Variants in KALRN observed in about 807,000 individuals in gnomAD.
KALRN encodes the protein kalirin.
In KALRN, 70 loss-of-function variants were observed where a neutral mutation model predicts 353.7. The observed-to-expected ratio is 0.20, with a 90% CI of 0.16 to 0.24. The LOEUF is 0.24. Among genes scored for constraint, KALRN ranks in the 10% least tolerant of loss-of-function variants. KALRN has a pLI of 1.00. For missense variants in KALRN, 2,791 were observed against 3,756.7 expected, an observed-to-expected ratio of 0.74 and a Z score of 6.72; for synonymous variants, 1,391 against 1,434.8, an observed-to-expected ratio of 0.97 and a Z score of 0.69.
intron 1 of KALRN, among the ~76,000 whole-genome samples, chr3:124,125,481 T>C (rs1186435624): frequency 6.6e-6 from 1 of 152,178 alleles, no homozygotes; most frequent in Non-Finnish European, 1.5e-5. Flanking sequence ...CAAGCCTCCA[T>C]GAGCTGGTGA....
chr3:124,494,373 C>T lies in KALRN; in HGVS notation c.4832+1491C>T, dbSNP rs140358603. Reference sequence around the variant, plus strand: ...CCTCCCCACATCCCCCCAGAAGTGGCTTCACCTGGAGTGGACCAGAAGGGC... The same window carrying T: ...CCTCCCCACATCCCCCCAGAAGTGGTTTCACCTGGAGTGGACCAGAAGGGC... On this transcript the variant is annotated intron_variant, in intron 32 of 59. Transcript: ENST00000682506. Among the ~76,000 whole-genome samples, 442 of 152,322 alleles carry T rather than the reference C, an allele frequency of 2.9e-3. 3 individuals are homozygous for T. Among genetic ancestry groups the T allele is most frequent in the African/African-American group, 0.01 (423 of 41,568 alleles).
intron 34 of KALRN, among the ~76,000 whole-genome samples, chr3:124,575,393 C>T (rs1341586774): frequency 6.6e-6 from 1 of 152,228 alleles, no homozygotes; most frequent in Non-Finnish European, 1.5e-5. Flanking sequence ...TGTCTCCTGT[C>T]TCATTTCCAG....
At chr3:124,556,481 T>C (rs912992142) in intron 33 of KALRN, among the ~76,000 whole-genome samples, 11 of 152,146 alleles carry the variant, frequency 7.2e-5, no homozygotes, top group African/African-American at 2.7e-4. Flanking sequence ...TGGAGAAGCC[T>C]TCAGAGTTTT....
rs2086503897 is a variant in KALRN, at chr3:124,671,894, G to A, written c.6938G>A (p.Ser2313Asn). Reference sequence around the variant, plus strand: ...CAGCCTGGGGACAAGTTCGAAGCCAGCAAGGTAAGTGACAACTCATTACTC... The same window carrying A: ...CAGCCTGGGGACAAGTTCGAAGCCAACAAGGTAAGTGACAACTCATTACTC... ...YHQPGDKFEA[S>N]KNDLGGCNGT... The change falls in exon 48 of 60, where the codon AGC becomes AAC. Residue 2313 changes from serine (S) to asparagine (N), a missense_variant. Physicochemically the swap from Ser to Asn is conservative, Grantham distance 46. Coordinates refer to ENST00000682506, the MANE Select transcript of KALRN (RefSeq NM_001388419.1). The A allele has an allele frequency of 1.2e-6, 2 of 1,609,712 alleles. No individual in the cohort carries two copies. The highest frequency in any genetic ancestry group is 1.7e-6 in the Non-Finnish European group (2 of 1,176,244).
rs147609491 is a variant in KALRN, at chr3:124,317,030, G to A, written c.1093-8950G>A. ...AGAGATTATTGCTCCAAGGCAGGAGGGGGCAAGAGAATTCCACCTACCAGG... is the reference window on the plus strand; with the variant it reads ...AGAGATTATTGCTCCAAGGCAGGAGAGGGCAAGAGAATTCCACCTACCAGG... On this transcript the variant is annotated intron_variant, in intron 6 of 59. Transcript: ENST00000682506. Among the ~76,000 whole-genome samples the A allele has an allele frequency of 4.9e-4, 75 of 152,294 alleles. No individual in the cohort carries two copies. In the East Asian group the frequency reaches 0.012, roughly 24 times the overall value.
intron 1 of KALRN, among the ~76,000 whole-genome samples, chr3:124,143,911 A>C (rs1029795434): frequency 6.6e-6 from 1 of 152,230 alleles, no homozygotes; most frequent in Non-Finnish European, 1.5e-5. Flanking sequence ...GAACAGGATA[A>C]TCTGAACAAT....
chr3:124,416,961 CT>C (rs1232706597), intron 14 of KALRN, among the ~76,000 whole-genome samples: 1 of 152,204 alleles, frequency 6.6e-6, no homozygotes, highest in Non-Finnish European at 1.5e-5. Context: ...TTATATGCTT[CT>C]TTTCAAGTGT....
chr3:124,669,374 C>G (rs1283951606), intron 47 of KALRN, among the ~76,000 whole-genome samples: 1 of 152,130 alleles, frequency 6.6e-6, no homozygotes, highest in Non-Finnish European at 1.5e-5. Context: ...TGTAGGGACG[C>G]ACAGTTTTCT....
chr3:124,104,906 G>GA (rs1179003968), intron 1 of KALRN, among the ~76,000 whole-genome samples: 1 of 152,134 alleles, frequency 6.6e-6, no homozygotes, highest in East Asian at 1.9e-4. Context: ...AGCATGGGCA[G>GA]AAGCACAAAG....
intron 3 of KALRN, among the ~76,000 whole-genome samples, chr3:124,264,154 A>G (rs745535955): frequency 6.6e-6 from 1 of 151,986 alleles, no homozygotes; most frequent in Non-Finnish European, 1.5e-5. Context: ...TGCTGCAACA[A>G]TCATTTCCTT....
intron 1 of KALRN, among the ~76,000 whole-genome samples, chr3:124,187,770 G>T (rs961635977): frequency 9.2e-5 from 14 of 152,194 alleles, no homozygotes; most frequent in African/African-American, 3.4e-4. Context: ...GATTTCTGTT[G>T]TAAGTGATTA....
chr3:124,395,199 A>G lies in KALRN; in HGVS notation c.2027A>G (p.Asp676Gly). ...GAGGATGTCTGTGCAGATTCTGTGG[A>G]TGCAGTCCAGGAACTGATCAAGCAG... ...MLEDVCADSV[D>G]AVQELIKQFQ... The change falls in exon 12 of 60, where the codon GAT becomes GGT. Residue 676 changes from aspartate (D) to glycine (G), a missense_variant. Around this residue, in one of 11 missense-constraint regions of KALRN, gnomAD observed 452 missense variants for 575.8 expected, o/e 0.78. Transcript: ENST00000682506. 1 of 1,613,358 alleles carries G rather than the reference A, an allele frequency of 6.2e-7. No homozygotes were observed. Among genetic ancestry groups the G allele is most frequent in the Non-Finnish European group, 8.5e-7 (1 of 1,179,928 alleles).
intron 1 of KALRN, among the ~76,000 whole-genome samples, chr3:124,195,174 T>G (rs1048607483): frequency 3.3e-4 from 50 of 152,168 alleles, no homozygotes; most frequent in African/African-American, 1.1e-3. Flanking sequence ...GCAAAGACAT[T>G]TTTACTATAG....
chr3:124,319,728 C>T (rs1227776225), intron 6 of KALRN, among the ~76,000 whole-genome samples: 1 of 152,030 alleles, frequency 6.6e-6, no homozygotes, highest in African/African-American at 2.4e-5. Flanking sequence ...CGCAGTGGCT[C>T]ACACCTGTAA....
chr3:124,134,140 G>T (rs1183528756), intron 1 of KALRN, among the ~76,000 whole-genome samples: 1 of 152,070 alleles, frequency 6.6e-6, no homozygotes, highest in Non-Finnish European at 1.5e-5. Context: ...ATACTATAAG[G>T]CTATAGTCAC....
chr3:124,544,328 A>G (rs1334024890), intron 33 of KALRN, among the ~76,000 whole-genome samples: 1 of 152,222 alleles, frequency 6.6e-6, no homozygotes, highest in Non-Finnish European at 1.5e-5. Flanking sequence ...TGGGAGGCCA[A>G]GGTGGGCAGA....
At chr3:124,604,143 T>G (rs1414873831) in intron 34 of KALRN, among the ~76,000 whole-genome samples, 1 of 49,310 alleles carries the variant, frequency 2.0e-5, no homozygotes, top group Non-Finnish European at 3.7e-5. Flanking sequence ...TGCTTTCACG[T>G]TTTTTTTTTT....
chr3:124,293,974 G>C (rs1396160072), intron 5 of KALRN, among the ~76,000 whole-genome samples: 1 of 151,992 alleles, frequency 6.6e-6, no homozygotes, highest in Non-Finnish European at 1.5e-5. Flanking sequence ...GAGAGAACTA[G>C]AGCTATTTGA....
At chr3:124,600,527 T>C (rs2076693623) in intron 34 of KALRN, among the ~76,000 whole-genome samples, 1 of 152,202 alleles carries the variant, frequency 6.6e-6, no homozygotes, top group South Asian at 2.1e-4. Context: ...TACTAGAAAG[T>C]GAAACTGCAA....
Sources: gnomAD v4.1 joint callset for allele counts (sites outside exome capture counted in the v4.1 genomes callset) on GRCh38, gnomAD v4.1.1 for gene constraint, gnomAD v4.1.1 regional missense constraint, MANE v1.5 for transcripts, NCBI Gene and HGNC (gene_info 2026-07-23, HGNC 2026-07-21) for gene names.